Variants in ERBB3 observed in about 807,000 individuals in gnomAD.
The protein encoded by ERBB3 is erb-b2 receptor tyrosine kinase 3, also known as receptor tyrosine-protein kinase erbB-3.
Under a neutral mutation model 156.7 loss-of-function variants are expected in ERBB3, and 96 were observed. The observed-to-expected ratio is 0.61, with a 90% CI of 0.52 to 0.73. The LOEUF is 0.73. Among genes scored for constraint, ERBB3 ranks in the 30% least tolerant of loss-of-function variants. The probability of loss-of-function intolerance (pLI) is 0.00; values close to 1 mark genes in which losing one functional copy is unlikely to be tolerated. For synonymous variants in ERBB3, 567 were observed against 632.0 expected, an observed-to-expected ratio of 0.90 and a Z score of 1.54; for missense variants, 1,406 against 1,709.4, an observed-to-expected ratio of 0.82 and a Z score of 3.13.
At position 56,093,434 on chromosome 12, in the gene ERBB3, A is replaced by G; in HGVS notation, c.1364A>G (p.Tyr455Cys). ...SLKEISAGRIYISANRQLCYH... is the reference protein window; with the variant it reads ...SLKEISAGRICISANRQLCYH... ...AAGGAAATTAGTGCTGGGCGTATCT[A>G]TATAAGTGCCAATAGGCAGCTCTGC... The change falls in exon 12 of 28, where the codon TAT becomes TGT. Residue 455 changes from tyrosine to cysteine, a missense_variant. This residue lies in a region of ERBB3 where 979 missense variants were observed against 1,219.6 expected (regional missense o/e 0.80). Coordinates refer to ENST00000267101, the MANE Select transcript of ERBB3 (RefSeq NM_001982.4). 3 of 1,614,030 alleles carry G rather than the reference A, an allele frequency of 1.9e-6. No homozygotes were observed. The highest frequency in any genetic ancestry group is 1.3e-5 in the African/African-American group (1 of 75,002).
intron 22 of ERBB3, 70 bp from the exon 23 acceptor site, chr12:56,098,689 C>T (rs1868979056): frequency 6.3e-7 from 1 of 1,593,844 alleles, no homozygotes; most frequent in Non-Finnish European, 8.6e-7. Flanking sequence ...AGATCAGGTT[C>T]TGCCTTCCCT....
chr12:56,084,709 G>A (rs1868415634), intron 2 of ERBB3, among the ~76,000 whole-genome samples: 1 of 152,002 alleles, frequency 6.6e-6, no homozygotes, highest in Non-Finnish European at 1.5e-5. Flanking sequence ...TTAGCCAGGT[G>A]TAGTGGCACA....
At position 56,098,920 on chromosome 12, in the gene ERBB3, G is replaced by A. The variant is rs376339937; in HGVS notation, c.2839+15G>A. 4 of 1,608,154 alleles carry A rather than the reference G, an allele frequency of 2.5e-6. No homozygotes were observed. Among genetic ancestry groups the A allele is most frequent in the African/African-American group, 1.3e-5 (1 of 74,740 alleles). On this transcript the variant is annotated intron_variant, in intron 23 of 27. Transcript: ENST00000267101. ...GATGGTCAAGTGTGAGTTACCTGCT[G>A]AGCCCAACCATTTTCTCTTTTTTTC... is the stretch of plus-strand genomic sequence containing the variant.
intron 4 of ERBB3, 115 bp downstream of exon 4, chr12:56,086,771 C>A: frequency 1.5e-6 from 2 of 1,292,056 alleles, no homozygotes; most frequent in Non-Finnish European, 2.2e-6. Context: ...ACAAACACCT[C>A]AGGTCCCTGA....
rs762684981 is a variant in ERBB3 at position 56,101,131 on chromosome 12, G to A, written c.3272G>A (p.Cys1091Tyr). Residue 1091 changes from cysteine to tyrosine, a missense_variant, in exon 27 of 28, where the codon TGC becomes TAC. Physicochemically the swap from Cys to Tyr is radical, Grantham distance 194 (BLOSUM62 -2). Coordinates refer to ENST00000267101, the MANE Select transcript of ERBB3 (RefSeq NM_001982.4). ...TCTCTACACCCAATGCCACGGGGAT[G>A]CCTGGCATCAGAGTCATCAGAGGGG... Reference protein sequence around the residue: ...PVSLHPMPRGCLASESSEGHV... With the variant: ...PVSLHPMPRGYLASESSEGHV... 1 of 1,614,020 alleles carries A rather than the reference G, an allele frequency of 6.2e-7. No homozygotes were observed. The highest frequency in any genetic ancestry group is 8.5e-7 in the Non-Finnish European group (1 of 1,179,898).
At chr12:56,087,107 AGCCTGG>A (rs1215074306) in intron 4 of ERBB3, among the ~76,000 whole-genome samples, 1 of 148,934 alleles carries the variant, frequency 6.7e-6, no homozygotes, top group Non-Finnish European at 1.5e-5. Flanking sequence ...ATTGTACTCT[AGCCTGG>A]GCAACAGAGT....
rs780639000 is a variant in ERBB3 at position 56,101,113 on chromosome 12, A to G, written c.3254A>G (p.His1085Arg). Residue 1085 changes from histidine (H) to arginine (R), a missense_variant, in exon 27 of 28, where the codon CAC (histidine) becomes CGC (arginine). Physicochemically the swap from His to Arg is conservative, Grantham distance 29. Around this residue, in one of 3 missense-constraint regions of ERBB3, gnomAD observed 415 missense variants for 454.1 expected, o/e 0.91. Transcript: ENST00000267101. ...SERCPRPVSL[H>R]PMPRGCLASE... The stretch of plus-strand genomic sequence containing the variant: ...CGGTGCCCCCGTCCAGTCTCTCTAC[A>G]CCCAATGCCACGGGGATGCCTGGCA... The G allele has an allele frequency of 6.2e-6, 10 of 1,613,990 alleles. No homozygotes were observed. Among genetic ancestry groups the G allele is most frequent in the Non-Finnish European group, 7.6e-6 (9 of 1,179,970 alleles).
chr12:56,093,220 A>C, intron 11 of ERBB3, 125 bp from the exon 12 acceptor site: 1 of 1,154,492 alleles, frequency 8.7e-7, no homozygotes, highest in Non-Finnish European at 1.3e-6. Flanking sequence ...AAAAGGCAAA[A>C]GGAGGGGGAT....
In ERBB3 at chr12:56,094,490, G is replaced by A. The variant is rs774044496; in HGVS notation, c.1793G>A (p.Gly598Asp). The change falls in exon 15 of 28, where the codon GGC (glycine) becomes GAC (aspartate). Residue 598 changes from glycine (G) to aspartate (D), a missense_variant. Gly to Asp is a moderately conservative substitution (Grantham distance 94). This residue lies in a region of ERBB3 where 979 missense variants were observed against 1,219.6 expected (regional missense o/e 0.80). Coordinates refer to ENST00000267101, the MANE Select transcript of ERBB3 (RefSeq NM_001982.4). ...CCCCATGGAGTCCTAGGTGCCAAGG[G>A]CCCAATCTACAAGTACCCAGATGTT... is the stretch of plus-strand genomic sequence containing the variant. ...SCPHGVLGAKGPIYKYPDVQN... is the reference protein window; with the variant it reads ...SCPHGVLGAKDPIYKYPDVQN... The A allele has an allele frequency of 6.2e-7, 1 of 1,614,028 alleles. No homozygotes were observed. The highest frequency in any genetic ancestry group is 1.7e-5 in the Admixed American group (1 of 60,004).
Position 56,102,398 on chromosome 12 carries a change from G to C in ERBB3, c.*343G>C. On this transcript the variant is annotated 3_prime_UTR_variant, in exon 28 of 28. Transcript: ENST00000267101. The stretch of plus-strand genomic sequence containing the variant: ...CAGGCTCTTGACTACTTGGAACTAG[G>C]CTCTTATGTGTGCCTTTGTTTCCCA... 3.2e-6 allele frequency: 1 copy of C among 315,996 alleles called. No individual in the cohort carries two copies. Among genetic ancestry groups the C allele is most frequent in the East Asian group, 5.0e-5 (1 of 19,896 alleles). 19.6% of individuals were successfully genotyped at this position (315,996 alleles called of 1,614,324 possible).
intron 1 of ERBB3, among the ~76,000 whole-genome samples, chr12:56,081,786 G>A (rs1354547401): frequency 3.3e-5 from 5 of 152,094 alleles, no homozygotes; most frequent in East Asian, 3.9e-4. Flanking sequence ...ATGGGGGTGG[G>A]GGATGTTGGA....
At position 56,101,221 on chromosome 12, in the gene ERBB3, G is replaced by C. The variant is rs1296730259; in HGVS notation, c.3362G>C (p.Ser1121Thr). ...KVSMCRSRSR[S>T]RSPRPRGDSA... is the part of the protein sequence containing the mutation. ...TCAATGTGTAGGAGCCGGAGCAGGA[G>C]CCGGAGCCCACGGCCACGCGGAGAT... is the stretch of plus-strand genomic sequence containing the variant. Residue 1121 changes from serine to threonine, a missense_variant, in exon 27 of 28, where the codon AGC becomes ACC. This residue lies in a region of ERBB3 where 415 missense variants were observed against 454.1 expected (regional missense o/e 0.91). Coordinates refer to ENST00000267101, the MANE Select transcript of ERBB3 (RefSeq NM_001982.4). The C allele has an allele frequency of 1.9e-6, 3 of 1,613,802 alleles. No individual in the cohort carries two copies. In the South Asian group the frequency reaches 3.3e-5, roughly 18 times the overall value.
chr12:56,091,775 T>C (rs1868721643), intron 9 of ERBB3, among the ~76,000 whole-genome samples: 2 of 152,174 alleles, frequency 1.3e-5, no homozygotes, highest in Admixed American at 6.5e-5. Context: ...TTTTCTACTG[T>C]AAAGTTACTA....
Position 56,088,774 on chromosome 12 carries a change from C to T in ERBB3, c.1015C>T (p.Arg339Cys), listed in dbSNP as rs763264762. 23 of 1,613,970 alleles carry T rather than the reference C, an allele frequency of 1.4e-5. No homozygotes were observed. The South Asian group carries it at 1.6e-4, about 12-fold the overall frequency. ...CTGTGAGGGAACAGGCTCTGGGAGCCGCTTCCAGACTGTGGACTCGAGCAA... is the reference window on the plus strand; with the variant it reads ...CTGTGAGGGAACAGGCTCTGGGAGCTGCTTCCAGACTGTGGACTCGAGCAA... ...KACEGTGSGS[R>C]FQTVDSSNID... Residue 339 changes from arginine to cysteine, a missense_variant, in exon 9 of 28, where the codon CGC (arginine) becomes TGC (cysteine). This residue lies in a region of ERBB3 where 979 missense variants were observed against 1,219.6 expected (regional missense o/e 0.80). Transcript: ENST00000267101.
At chr12:56,083,671 A>G in intron 1 of ERBB3, 80 bp from the exon 2 acceptor site, 1 of 1,549,440 alleles carries the variant, frequency 6.5e-7, no homozygotes, top group Non-Finnish European at 8.9e-7. Context: ...AGGGCAACCA[A>G]GGGGGTGATC....
rs965991479 is a variant in ERBB3, at chr12:56,085,416, C to T, written c.421+235C>T. ...TGTCCTTGTGGGGCTGGAGTCAGAG[C>T]TGGATCTGTTAACCGTTTTTCTAAT... On this transcript the variant is annotated intron_variant, in intron 3 of 27. Coordinates refer to ENST00000267101, the MANE Select transcript of ERBB3 (RefSeq NM_001982.4). 19 of 1,430,148 alleles carry T rather than the reference C, an allele frequency of 1.3e-5. No individual in the cohort carries two copies. In the African/African-American group the frequency reaches 2.4e-4, roughly 18 times the overall value. The allele number at this position is 1,430,148 out of a possible 1,614,324, so 88.6% of individuals were successfully genotyped here. A position where few individuals can be genotyped will look rare whatever the true frequency, so the allele number is the denominator to read the frequency against.
intron 14 of ERBB3, 92 bp downstream of exon 14, chr12:56,094,281 G>C (rs1868821294): frequency 1.4e-6 from 2 of 1,458,508 alleles, no homozygotes; most frequent in African/African-American, 1.4e-5. Context: ...ATAGCACAGA[G>C]AGGCCAGATA....
In ERBB3 at chr12:56,099,553, C is replaced by T. The variant is rs1242820848; in HGVS notation, c.2840-95C>T. ...ACCTCAGGTGATCCACCCGCCTTGG[C>T]CTCCCAAAGTGCTGGGATTATAGGT... On this transcript the variant is annotated intron_variant, in intron 23 of 27. Transcript: ENST00000267101. 13 of 1,039,266 alleles carry T rather than the reference C, an allele frequency of 1.3e-5. No individual in the cohort carries two copies. In the East Asian group the frequency reaches 1.9e-4, roughly 15 times the overall value. The allele number at this position is 1,039,266 out of a possible 1,614,324, so 64.4% of individuals were successfully genotyped here.
chr12:56,083,929 A>G (rs1191763940), intron 2 of ERBB3, 27 bp downstream of exon 2: 4 of 1,610,604 alleles, frequency 2.5e-6, no homozygotes, highest in Admixed American at 1.7e-5. Flanking sequence ...TCCTTCCTCA[A>G]CCTGCTCCTC....
Sources: allele counts gnomAD v4.1 joint callset (sites outside exome capture counted in the v4.1 genomes callset), GRCh38; gene constraint gnomAD v4.1.1; regional missense constraint gnomAD v4.1.1; transcripts MANE v1.5; gene names NCBI Gene and HGNC (gene_info 2026-07-23, HGNC 2026-07-21).